ELAVL2: variants seen among roughly 807,000 people sequenced by gnomAD.
The protein encoded by ELAVL2 is ELAV like RNA binding protein 2, also known as ELAV-like protein 2.
In ELAVL2, 4 loss-of-function variants were observed where a neutral mutation model predicts 34.6. That is an observed-to-expected ratio of 0.12 (90% CI 0.06 to 0.26). The LOEUF (loss-of-function observed/expected upper bound fraction) is 0.26. Ranked by LOEUF, ELAVL2 falls within the 10% of genes least tolerant of loss-of-function variation. The pLI is 1.00. For missense variants in ELAVL2, 432 were observed against 442.8 expected (o/e 0.98, Z 0.22); for synonymous variants, 193 against 154.8 (o/e 1.25, Z -1.83).
chr9:23,773,942 T>G (rs2057746076), intron 1 of ELAVL2, among the ~76,000 whole-genome samples: 1 of 151,990 alleles, frequency 6.6e-6, no homozygotes, highest in Non-Finnish European at 1.5e-5. Flanking sequence ...CCTGGCGCAG[T>G]GGCTCACACT....
rs569491336 is a variant in ELAVL2 at position 23,726,722 on chromosome 9, T to C, written c.333+4300A>G. 2.6e-5 allele frequency among the ~76,000 whole-genome samples: 4 copies of C among 152,266 alleles called. No homozygotes were observed. The South Asian group carries it at 8.3e-4, about 32-fold the overall frequency. On this transcript the variant is annotated intron_variant, in intron 3 of 6. Transcript: ENST00000397312. ...ACATATTCTTGGAAATGAATGATTTTAGTTTGCTAATCATGAATTTAAGTC... is the reference window on the plus strand; with the variant it reads ...ACATATTCTTGGAAATGAATGATTTCAGTTTGCTAATCATGAATTTAAGTC...
the ELAVL2 span, among the ~76,000 whole-genome samples, chr9:23,834,615 G>T: frequency 6.6e-6 from 1 of 151,996 alleles, no homozygotes; most frequent in Non-Finnish European, 1.5e-5. Context: ...TTTATTTGAT[G>T]GAGCCAGAAT....
At chr9:23,805,109 G>T (rs997838104) in intron 1 of ELAVL2, among the ~76,000 whole-genome samples, 17 of 152,158 alleles carry the variant, frequency 1.1e-4, no homozygotes, top group Non-Finnish European at 1.2e-4. Flanking sequence ...AAGTGAAATT[G>T]AGACTGAAGA....
Position 23,783,417 on chromosome 9 carries a change from G to C in ELAVL2, c.-15-21168C>G, listed in dbSNP as rs997504622. 5.8e-5 allele frequency: 57 copies of C among 982,908 alleles called. 1 individual carries two copies. Among genetic ancestry groups the C allele is most frequent in the South Asian group, 4.7e-5 (1 of 21,240 alleles). The allele number at this position is 982,908 out of a possible 1,614,324, so 60.9% of individuals were successfully genotyped here. ...CTGAAGAAAAACATGTAACTTCAGA[G>C]AGCATGAAAAACTGGTACAATTCTG... On this transcript the variant is annotated intron_variant, in intron 1 of 6. Transcript: ENST00000397312.
At chr9:23,744,902 T>A (rs2050135651) in intron 2 of ELAVL2, among the ~76,000 whole-genome samples, 1 of 152,052 alleles carries the variant, frequency 6.6e-6, no homozygotes, top group Non-Finnish European at 1.5e-5. Context: ...AAAAATTCTT[T>A]TAAAAATAAA....
At chr9:23,729,032 C>T (rs1216033383) in intron 3 of ELAVL2, among the ~76,000 whole-genome samples, 1 of 152,096 alleles carries the variant, frequency 6.6e-6, no homozygotes, top group African/African-American at 2.4e-5. Context: ...AGCAGCTGGG[C>T]CCTAAAGAGA....
intron 1 of ELAVL2, among the ~76,000 whole-genome samples, chr9:23,787,149 G>A (rs552848314): frequency 6.6e-6 from 1 of 152,230 alleles, no homozygotes; most frequent in African/African-American, 2.4e-5. Context: ...GACAGGGTAG[G>A]ATGACAGCTA....
rs547203638 is a variant in ELAVL2 at position 23,807,449 on chromosome 9, A to AT, written c.-16+18356dup. ...AAGGAACTCCACAGAAGCCACTGAC[A>AT]TTTTTTTAAAAAGTATTTTTCGACA... On this transcript the variant is annotated intron_variant, in intron 1 of 6. Coordinates refer to ENST00000397312, the MANE Select transcript of ELAVL2 (RefSeq NM_004432.5). Among the ~76,000 whole-genome samples, 10 of 152,196 alleles carry AT rather than the reference A, an allele frequency of 6.6e-5. No individual in the cohort carries two copies. In the South Asian group the frequency reaches 1.9e-3, roughly 28 times the overall value.
chr9:23,793,054 A>G (rs1483438573), intron 1 of ELAVL2, among the ~76,000 whole-genome samples: 2 of 152,188 alleles, frequency 1.3e-5, no homozygotes, highest in Admixed American at 1.3e-4. Flanking sequence ...CTGGGATTAC[A>G]GGAGTGAGGC....
chr9:23,802,276 G>A lies in ELAVL2; in HGVS notation c.-16+23530C>T, dbSNP rs572419290. Among the ~76,000 whole-genome samples the A allele has an allele frequency of 6.6e-5, 10 of 152,086 alleles. 1 individual carries two copies. Among genetic ancestry groups the A allele is most frequent in the South Asian group, 6.2e-4 (3 of 4,820 alleles). On this transcript the variant is annotated intron_variant, in intron 1 of 6. Coordinates refer to ENST00000397312, the MANE Select transcript of ELAVL2 (RefSeq NM_004432.5). ...TGTATTTATAGAAAGGGTCAAGAGC[G>A]CTATAAAAAATACATTAATAATGTT...
chr9:23,746,939 G>A (rs1412772964), intron 2 of ELAVL2, among the ~76,000 whole-genome samples: 3 of 151,380 alleles, frequency 2.0e-5, no homozygotes, highest in South Asian at 2.1e-4. Flanking sequence ...TTACATCTTC[G>A]CTCAACAAAA....
intron 1 of ELAVL2, among the ~76,000 whole-genome samples, chr9:23,786,802 A>AC (rs796876123): frequency 4.7e-5 from 6 of 127,334 alleles, no homozygotes; most frequent in Admixed American, 8.1e-5. Context: ...AAAAAAAAAA[A>AC]AGAGAGAGAG....
intron 2 of ELAVL2, among the ~76,000 whole-genome samples, chr9:23,747,516 G>C (rs1479770284): frequency 2.6e-5 from 4 of 152,076 alleles, no homozygotes; most frequent in African/African-American, 9.7e-5. Flanking sequence ...CACACCCAAA[G>C]CTCAGACAAA....
chr9:23,708,876 G>A (rs1000416106), intron 3 of ELAVL2, among the ~76,000 whole-genome samples: 1 of 152,014 alleles, frequency 6.6e-6, no homozygotes, highest in African/African-American at 2.4e-5. Flanking sequence ...GACCTCAGGT[G>A]ATCAGCCCAC....
intron 1 of ELAVL2, among the ~76,000 whole-genome samples, chr9:23,785,211 G>A (rs545029800): frequency 6.6e-6 from 1 of 152,288 alleles, no homozygotes; most frequent in Non-Finnish European, 1.5e-5. Flanking sequence ...AGGCAGTAGA[G>A]GGAGCCACTC....
chr9:23,769,063 T>TTCAA (rs2056852534), intron 1 of ELAVL2, among the ~76,000 whole-genome samples: 1 of 152,088 alleles, frequency 6.6e-6, no homozygotes, highest in African/African-American at 2.4e-5. Flanking sequence ...ACCCTGAGTA[T>TTCAA]TCAAACACAG....
rs886353507 is a variant in ELAVL2, at chr9:23,766,478, C to A, written c.-15-4229G>T. On this transcript the variant is annotated intron_variant, in intron 1 of 6. Coordinates refer to ENST00000397312, the MANE Select transcript of ELAVL2 (RefSeq NM_004432.5). ...TCAGGAGTTCAATCTAAACATTGCT[C>A]ACTACATAAAACAGATTTTAATTTA... is the stretch of plus-strand genomic sequence containing the variant. Among the ~76,000 whole-genome samples the A allele has an allele frequency of 2.0e-5, 3 of 152,178 alleles. No homozygotes were observed. In the East Asian group the frequency reaches 5.8e-4, roughly 29 times the overall value.
At chr9:23,795,668 C>G (rs1202570341) in intron 1 of ELAVL2, among the ~76,000 whole-genome samples, 1 of 152,184 alleles carries the variant, frequency 6.6e-6, no homozygotes, top group African/African-American at 2.4e-5. Flanking sequence ...TACAGAACCT[C>G]TTACAGAGAA....
intron 3 of ELAVL2, among the ~76,000 whole-genome samples, chr9:23,709,609 T>A (rs544503976): frequency 6.6e-6 from 1 of 152,320 alleles, no homozygotes; most frequent in East Asian, 1.9e-4. Context: ...AATGACAAAT[T>A]CTATTTAGAA....
Sources: allele counts gnomAD v4.1 joint callset (sites outside exome capture counted in the v4.1 genomes callset), GRCh38; gene constraint gnomAD v4.1.1; transcripts MANE v1.5; gene names NCBI Gene and HGNC (gene_info 2026-07-23, HGNC 2026-07-21).